Variants in EPHA6 observed in about 807,000 individuals in gnomAD.
EPHA6 encodes ephrin type-A receptor 6.
Under a neutral mutation model 112.0 loss-of-function variants are expected in EPHA6, and 50 were observed. The ratio of observed to expected loss-of-function variants is 0.45; its 90% CI spans 0.36 to 0.56. The LOEUF (loss-of-function observed/expected upper bound fraction) is 0.56, where lower values mean the gene tolerates loss of function less well. Among genes scored for constraint, EPHA6 ranks in the 20% least tolerant of loss-of-function variants. The pLI is 0.00. For synonymous variants in EPHA6, 529 were observed against 490.7 expected, an observed-to-expected ratio of 1.08 and a Z score of -1.03; for missense variants, 1,280 against 1,417.4, an observed-to-expected ratio of 0.90 and a Z score of 1.56.
intron 4 of EPHA6, among the ~76,000 whole-genome samples, chr3:97,243,675 G>A (rs944247867): frequency 4.6e-5 from 7 of 151,392 alleles, no homozygotes; most frequent in Non-Finnish European, 1.0e-4. Flanking sequence ...AGTTTAAAAG[G>A]TGTAATTACC....
intron 3 of EPHA6, among the ~76,000 whole-genome samples, chr3:97,205,525 A>G (rs1319827632): frequency 6.6e-6 from 1 of 152,066 alleles, no homozygotes; most frequent in East Asian, 1.9e-4. Flanking sequence ...AACCAAACAC[A>G]GCTCCAAAGC....
At position 97,750,545 on chromosome 3, in the gene EPHA6, C is replaced by T. The variant is rs1360632064; in HGVS notation, c.*1844C>T. 1.3e-5 allele frequency among the ~76,000 whole-genome samples: 2 copies of T among 151,932 alleles called. No homozygotes were observed. The highest frequency in any genetic ancestry group is 1.9e-4 in the East Asian group (1 of 5,158). ...CTAATTTTTGTATTTTTAGTAGAGA[C>T]GGGGTTTCACCATGTTGGCCAGGCT... On this transcript the variant is annotated 3_prime_UTR_variant, in exon 18 of 18. Transcript: ENST00000389672.
intron 3 of EPHA6, among the ~76,000 whole-genome samples, chr3:97,070,042 G>T (rs1033526881): frequency 8.6e-5 from 13 of 152,004 alleles, no homozygotes; most frequent in Admixed American, 6.6e-5. Flanking sequence ...GACTGATTCT[G>T]TTGTCATTCT....
intron 14 of EPHA6, among the ~76,000 whole-genome samples, chr3:97,710,557 G>A (rs2033911937): frequency 6.6e-6 from 1 of 152,174 alleles, no homozygotes; most frequent in Non-Finnish European, 1.5e-5. Flanking sequence ...AGAAGTGAAG[G>A]TTGTTCCCTC....
At chr3:97,526,292 C>T (rs1327996128) in intron 10 of EPHA6, among the ~76,000 whole-genome samples, 1 of 152,146 alleles carries the variant, frequency 6.6e-6, no homozygotes, top group Non-Finnish European at 1.5e-5. Context: ...AAATCCAGTG[C>T]CATTTGAGGA....
At chr3:97,493,623 C>CTGTGTGTGTGTGTGTGTGTGTG (rs373276812) in intron 10 of EPHA6, among the ~76,000 whole-genome samples, 4,949 of 147,280 alleles carry the variant, frequency 0.034, 224 homozygotes, top group African/African-American at 0.11. Flanking sequence ...ATTTAGTCCT[C>CTGTGTGTGTGTGTGTGTGTGTG]TGTGTGTGTG....
chr3:97,369,021 C>T (rs139962507), intron 5 of EPHA6, among the ~76,000 whole-genome samples: 87 of 152,056 alleles, frequency 5.7e-4, no homozygotes, highest in African/African-American at 2.0e-3. Flanking sequence ...GAGAATAAAC[C>T]GGCCATATGA....
chr3:97,181,951 C>T (rs759978706), intron 3 of EPHA6, among the ~76,000 whole-genome samples: 1 of 151,914 alleles, frequency 6.6e-6, no homozygotes, highest in Non-Finnish European at 1.5e-5. Context: ...ATCTGGGAGC[C>T]GACACTTGGC....
chr3:97,328,038 TAC>T (rs1391166009), intron 5 of EPHA6, among the ~76,000 whole-genome samples: 2 of 99,540 alleles, frequency 2.0e-5, no homozygotes, highest in African/African-American at 4.3e-5. Context: ...TGTGTATATA[TAC>T]ACACATATAT....
intron 3 of EPHA6, among the ~76,000 whole-genome samples, chr3:97,085,946 T>TATATATATATATATATATATATATAC (rs952418337): frequency 6.9e-6 from 1 of 145,048 alleles, no homozygotes; most frequent in African/African-American, 2.8e-5. Flanking sequence ...TATATATATA[T>TATATATATATATATATATATATATAC]ATACACACTG....
chr3:97,147,119 C>T (rs1444990796), intron 3 of EPHA6, among the ~76,000 whole-genome samples: 2 of 151,966 alleles, frequency 1.3e-5, no homozygotes, highest in Admixed American at 6.6e-5. Flanking sequence ...CCTTTGCCCA[C>T]CTCTCCCCCA....
chr3:96,925,610 T>C (rs2039994981), intron 2 of EPHA6, among the ~76,000 whole-genome samples: 1 of 151,596 alleles, frequency 6.6e-6, no homozygotes, highest in Non-Finnish European at 1.5e-5. Context: ...TTGCTGTTTT[T>C]TTTTTTTTTC....
At chr3:97,395,208 A>G (rs1016263118) in intron 5 of EPHA6, among the ~76,000 whole-genome samples, 1 of 151,826 alleles carries the variant, frequency 6.6e-6, no homozygotes, top group Non-Finnish European at 1.5e-5. Context: ...TTTCAAACTC[A>G]TAACTAGGTT....
chr3:96,898,920 C>T (rs182608231), intron 2 of EPHA6, among the ~76,000 whole-genome samples: 2,121 of 151,174 alleles, frequency 0.014, 50 homozygotes, highest in African/African-American at 0.047. Context: ...CCCAGCTACA[C>T]GGGAGGCTGA....
chr3:97,364,633 A>G (rs898419669), intron 5 of EPHA6, among the ~76,000 whole-genome samples: 5 of 152,084 alleles, frequency 3.3e-5, no homozygotes, highest in African/African-American at 1.2e-4. Flanking sequence ...TTGAATTTAA[A>G]TGAATATTAA....
At chr3:97,600,502 T>C (rs1225383916) in intron 12 of EPHA6, among the ~76,000 whole-genome samples, 2 of 152,088 alleles carry the variant, frequency 1.3e-5, no homozygotes, top group Non-Finnish European at 2.9e-5. Flanking sequence ...GTCAAAGGCT[T>C]TTTCTGCTTT....
intron 1 of EPHA6, among the ~76,000 whole-genome samples, chr3:96,863,383 T>C (rs1360193584): frequency 6.6e-6 from 1 of 151,914 alleles, no homozygotes; most frequent in African/African-American, 2.4e-5. Context: ...AAACCTGAAT[T>C]TGTGGGGGTT....
At chr3:97,051,126 A>G (rs928649831) in intron 3 of EPHA6, among the ~76,000 whole-genome samples, 11 of 152,146 alleles carry the variant, frequency 7.2e-5, no homozygotes, top group African/African-American at 2.7e-4. Context: ...ATGGCAATAC[A>G]TAATGGAGGC....
chr3:96,862,227 T>C (rs1680394863), intron 1 of EPHA6, among the ~76,000 whole-genome samples: 1 of 151,914 alleles, frequency 6.6e-6, no homozygotes, highest in South Asian at 2.1e-4. Flanking sequence ...TTGTCTTTGT[T>C]TATTGGTGTT....
Sources: gnomAD v4.1 joint callset for allele counts (sites outside exome capture counted in the v4.1 genomes callset) on GRCh38, gnomAD v4.1.1 for gene constraint, MANE v1.5 for transcripts, NCBI Gene and HGNC (gene_info 2026-07-23, HGNC 2026-07-21) for gene names.